The following CHL1 variants were observed in gnomAD, a reference collection of about 807,000 sequenced individuals.
CHL1 encodes the protein neural cell adhesion molecule L1-like protein.
In CHL1, 96 loss-of-function variants were observed where a neutral mutation model predicts 141.9. That is an observed-to-expected ratio of 0.68 (90% confidence interval 0.57 to 0.80). The LOEUF (loss-of-function observed/expected upper bound fraction) is 0.80, where lower values mean the gene tolerates loss of function less well. Among genes scored for constraint, CHL1 ranks in the 30% least tolerant of loss-of-function variants. The pLI, the probability that CHL1 is intolerant of heterozygous loss-of-function variation, is 0.00. For missense variants in CHL1, 1,820 were observed against 1,457.2 expected (o/e 1.25, Z -4.05); for synonymous variants, 613 against 502.2 (o/e 1.22, Z -2.95).
In CHL1 at chr3:322,670, A is replaced by AT. The variant is rs1700690598; in HGVS notation, c.91+2803_91+2804insT. ...AATATATATATATATATATATATAT[A>AT]ATTATATATATATATATAAAACGAA... is the stretch of plus-strand genomic sequence containing the variant. On this transcript the variant is annotated intron_variant, in intron 3 of 27. Transcript: ENST00000256509. Among the ~76,000 whole-genome samples the AT allele has an allele frequency of 3.7e-4, 49 of 133,658 alleles. No homozygotes were observed. In the South Asian group the frequency reaches 7.2e-3, roughly 20 times the overall value. 87.7% of individuals were successfully genotyped at this position (133,658 alleles called of 152,430 possible). A position where few individuals can be genotyped will look rare whatever the true frequency, so the allele number is the denominator to read the frequency against.
Position 328,283 on chromosome 3 carries a change from G to T in CHL1, c.314G>T (p.Gly105Val). 6.2e-7 allele frequency: 1 copy of T among 1,612,346 alleles called. No individual in the cohort carries two copies. The change falls in exon 5 of 28, where the codon GGG (glycine) becomes GTG (valine). Residue 105 changes from glycine to valine, a missense_variant. Transcript: ENST00000256509. The stretch of plus-strand genomic sequence containing the variant: ...GAGGGGCACATATCTCACTTTCAAG[G>T]GAAATACCGCTGCTTTGCTTCAAAT... ...PNEGHISHFQ[G>V]KYRCFASNKL... is the part of the protein sequence containing the mutation.
intron 9 of CHL1, among the ~76,000 whole-genome samples, chr3:345,975 G>A (rs1232039036): frequency 6.6e-6 from 1 of 152,106 alleles, no homozygotes. Flanking sequence ...TACCATTGAG[G>A]ATACCTTGGG....
intron 1 of CHL1, among the ~76,000 whole-genome samples, chr3:239,262 G>C (rs890307937): frequency 3.3e-5 from 5 of 152,144 alleles, no homozygotes; most frequent in African/African-American, 7.2e-5. Flanking sequence ...TTGCATGTTA[G>C]TACCATTCCT....
At chr3:308,551 T>C (rs1472723108) in intron 2 of CHL1, among the ~76,000 whole-genome samples, 2 of 151,228 alleles carry the variant, frequency 1.3e-5, no homozygotes, top group Non-Finnish European at 2.9e-5. Context: ...CATATAAACA[T>C]AGATAGTCAT....
intron 19 of CHL1, among the ~76,000 whole-genome samples, chr3:388,978 T>C (rs1269972914): frequency 6.6e-6 from 1 of 152,264 alleles, no homozygotes; most frequent in Non-Finnish European, 1.5e-5. Context: ...CCTTCGTGTG[T>C]AAAAACTTAA....
At chr3:350,016 A>G (rs1703108599) in intron 10 of CHL1, among the ~76,000 whole-genome samples, 1 of 152,234 alleles carries the variant, frequency 6.6e-6, no homozygotes, top group African/African-American at 2.4e-5. Flanking sequence ...AGAGGCAGGC[A>G]AATTGTTGTG....
intron 2 of CHL1, among the ~76,000 whole-genome samples, chr3:251,950 G>A (rs1559338491): frequency 6.6e-6 from 1 of 151,888 alleles, no homozygotes; most frequent in Non-Finnish European, 1.5e-5. Context: ...AACAAATTCA[G>A]TTTTTCAACT....
intron 2 of CHL1, among the ~76,000 whole-genome samples, chr3:276,782 A>G (rs879898125): frequency 6.6e-5 from 10 of 151,264 alleles, no homozygotes; most frequent in African/African-American, 1.2e-4. Flanking sequence ...CCAGCTACTC[A>G]GGAGGCTGAG....
Position 302,868 on chromosome 3 carries a change from T to C in CHL1, c.-94-16815T>C, listed in dbSNP as rs374642873. On this transcript the variant is annotated intron_variant, in intron 2 of 27. Coordinates refer to ENST00000256509, the MANE Select transcript of CHL1 (RefSeq NM_006614.4). Reference sequence around the variant, plus strand: ...CCCAGGTTTTCTTCTAGAGTTTTTATGGTCTAGGTCTTACGTTTAAGTCTT... The same window carrying C: ...CCCAGGTTTTCTTCTAGAGTTTTTACGGTCTAGGTCTTACGTTTAAGTCTT... Among the ~76,000 whole-genome samples, 13 of 152,326 alleles carry C rather than the reference T, an allele frequency of 8.5e-5. No individual in the cohort carries two copies. The East Asian group carries it at 1.9e-3, about 23-fold the overall frequency.
chr3:245,037 T>A (rs1007109013), intron 2 of CHL1, among the ~76,000 whole-genome samples: 1 of 152,152 alleles, frequency 6.6e-6, no homozygotes, highest in African/African-American at 2.4e-5. Flanking sequence ...ACCACTGAGA[T>A]TTGAGAAGGT....
At chr3:327,199 G>C (rs1293057438) in intron 4 of CHL1, among the ~76,000 whole-genome samples, 2 of 151,876 alleles carry the variant, frequency 1.3e-5, no homozygotes, top group Non-Finnish European at 2.9e-5. Context: ...TTGAAGGTTT[G>C]TTATTCCTGT....
intron 5 of CHL1, among the ~76,000 whole-genome samples, chr3:333,580 T>C (rs999379685): frequency 6.6e-6 from 1 of 152,194 alleles, no homozygotes; most frequent in Non-Finnish European, 1.5e-5. Context: ...TTTAACTAAA[T>C]GTATTATCCA....
intron 1 of CHL1, among the ~76,000 whole-genome samples, chr3:236,898 A>AAC (rs1452324271): frequency 6.6e-6 from 1 of 151,790 alleles, no homozygotes; most frequent in African/African-American, 2.4e-5. Flanking sequence ...CAAAAAAAAA[A>AAC]ACCTTGTAAA....
At chr3:355,363 C>T (rs929592286) in intron 11 of CHL1, among the ~76,000 whole-genome samples, 1 of 152,050 alleles carries the variant, frequency 6.6e-6, no homozygotes, top group African/African-American at 2.4e-5. Context: ...CCACCCTGAG[C>T]CCACTCCAAA....
intron 1 of CHL1, among the ~76,000 whole-genome samples, chr3:227,831 T>C (rs572816730): frequency 1.3e-5 from 2 of 152,346 alleles, no homozygotes; most frequent in East Asian, 3.9e-4. Context: ...TGTTACAGTA[T>C]TGTGCTGTGT....
At chr3:284,046 A>G (rs547649249) in intron 2 of CHL1, among the ~76,000 whole-genome samples, 5 of 152,314 alleles carry the variant, frequency 3.3e-5, no homozygotes, top group Admixed American at 3.3e-4. Context: ...CTATGTACCA[A>G]TTATCCACTA....
chr3:382,490 T>A lies in CHL1; in HGVS notation c.1995T>A (p.Phe665Leu). 1 of 1,613,766 alleles carries A rather than the reference T, an allele frequency of 6.2e-7. No individual in the cohort carries two copies. Among genetic ancestry groups the A allele is most frequent in the Admixed American group, 1.7e-5 (1 of 60,016 alleles). Reference sequence around the variant, plus strand: ...TACTACCAGAGTATATTGTTGAATTTGAAGGAAACAAAGAAGAGCCTGGAA... The same window carrying A: ...TACTACCAGAGTATATTGTTGAATTAGAAGGAAACAAAGAAGAGCCTGGAA... ...NSNISEYIVE[F>L]EGNKEEPGRW... The change falls in exon 18 of 28, where the codon TTT (phenylalanine) becomes TTA (leucine). Residue 665 changes from phenylalanine to leucine, a missense_variant. Physicochemically the swap from Phe to Leu is conservative, Grantham distance 22. Coordinates refer to ENST00000256509, the MANE Select transcript of CHL1 (RefSeq NM_006614.4).
At chr3:318,727 T>C (rs774470636) in intron 2 of CHL1, among the ~76,000 whole-genome samples, 7 of 151,360 alleles carry the variant, frequency 4.6e-5, no homozygotes, top group Non-Finnish European at 8.9e-5. Flanking sequence ...TGTTCTTTAT[T>C]ATTTCTTTCC....
chr3:338,191 G>T (rs1364368628), intron 5 of CHL1, among the ~76,000 whole-genome samples: 1 of 152,192 alleles, frequency 6.6e-6, no homozygotes, highest in Non-Finnish European at 1.5e-5. Context: ...TGATCCCTTT[G>T]CAGAGAGGCC....
Sources: allele counts gnomAD v4.1 joint callset (sites outside exome capture counted in the v4.1 genomes callset), GRCh38; gene constraint gnomAD v4.1.1; transcripts MANE v1.5; gene names NCBI Gene and HGNC (gene_info 2026-07-23, HGNC 2026-07-21).